Variants in TTC12 observed in about 807,000 individuals in gnomAD.
TTC12 encodes the protein tetratricopeptide repeat domain 12.
Under a neutral mutation model 90.1 loss-of-function variants are expected in TTC12, and 70 were observed. That is an observed-to-expected ratio of 0.78 (90% confidence interval 0.64 to 0.95). TTC12 has a LOEUF of 0.95. TTC12 is among the 40% of genes least tolerant of loss of function. TTC12 has a pLI of 0.00. For synonymous variants in TTC12, 296 were observed against 311.5 expected (o/e 0.95, Z 0.53); for missense variants, 819 against 846.1 (o/e 0.97, Z 0.40).
intron 19 of TTC12, 148 bp from the exon 20 acceptor site, chr11:113,363,679 GC>G (rs1486314262): frequency 1.6e-6 from 1 of 608,684 alleles, no homozygotes. Flanking sequence ...GACCATGCCT[GC>G]CCACCAGGAA....
intron 2 of TTC12, among the ~76,000 whole-genome samples, chr11:113,319,206 C>G (rs1017490081): frequency 6.6e-6 from 1 of 152,046 alleles, no homozygotes; most frequent in African/African-American, 2.4e-5. Context: ...CCAGTCTAAC[C>G]GTGAGAAAAA....
chr11:113,318,483 T>C (rs2137906189), intron 2 of TTC12, among the ~76,000 whole-genome samples: 1 of 152,276 alleles, frequency 6.6e-6, no homozygotes, highest in East Asian at 1.9e-4. Flanking sequence ...CGTGCATATA[T>C]TTGGTGTTTC....
At chr11:113,349,996 T>A in intron 13 of TTC12, 77 bp from the exon 14 acceptor site, 1 of 1,208,766 alleles carries the variant, frequency 8.3e-7, no homozygotes, top group Non-Finnish European at 1.2e-6. Flanking sequence ...CTTTTTTGGT[T>A]TCCTTGCAAG....
chr11:113,328,588 A>C (rs1410356225), intron 6 of TTC12, among the ~76,000 whole-genome samples: 2 of 152,094 alleles, frequency 1.3e-5, no homozygotes, highest in Non-Finnish European at 2.9e-5. Context: ...GGGAGGACAG[A>C]AGCAGAGCTT....
At chr11:113,349,841 A>G (rs1164821701) in intron 13 of TTC12, among the ~76,000 whole-genome samples, 1 of 152,222 alleles carries the variant, frequency 6.6e-6, no homozygotes, top group African/African-American at 2.4e-5. Flanking sequence ...AACTTTGGTT[A>G]AAAGTATTCA....
At chr11:113,326,874 C>A (rs1480109072) in intron 6 of TTC12, among the ~76,000 whole-genome samples, 2 of 152,132 alleles carry the variant, frequency 1.3e-5, no homozygotes, top group Admixed American at 6.5e-5. Context: ...TTCAATAAAT[C>A]CTTTTTTAGT....
chr11:113,323,204 A>G (rs1368943328), intron 2 of TTC12, 84 bp from the exon 3 acceptor site: 2 of 1,100,204 alleles, frequency 1.8e-6, no homozygotes, highest in Non-Finnish European at 2.4e-6. Flanking sequence ...GATCTTTCCC[A>G]TGCATTTTAT....
chr11:113,344,155 T>C (rs906737981), intron 12 of TTC12, 117 bp from the exon 13 acceptor site: 13 of 1,184,430 alleles, frequency 1.1e-5, no homozygotes, highest in Non-Finnish European at 1.6e-5. Context: ...TACACTTCAT[T>C]ATTCTGCCTT....
chr11:113,318,613 G>A (rs908786391), intron 2 of TTC12, among the ~76,000 whole-genome samples: 1 of 152,084 alleles, frequency 6.6e-6, no homozygotes, highest in East Asian at 1.9e-4. Context: ...AATTTTTGGG[G>A]GGGATGCAAT....
At chr11:113,363,114 A>G (rs1318349894) in intron 19 of TTC12, among the ~76,000 whole-genome samples, 1 of 152,208 alleles carries the variant, frequency 6.6e-6, no homozygotes, top group African/African-American at 2.4e-5. Context: ...TAGTGTGGTG[A>G]CACATGGCTT....
intron 13 of TTC12, 74 bp from the exon 14 acceptor site, chr11:113,349,999 C>T: frequency 4.8e-6 from 6 of 1,251,592 alleles, no homozygotes; most frequent in Admixed American, 3.6e-5. Context: ...TTTTGGTTTC[C>T]TTGCAAGGTT....
chr11:113,334,562 G>T (rs1007766018), intron 7 of TTC12, among the ~76,000 whole-genome samples: 7 of 151,878 alleles, frequency 4.6e-5, no homozygotes, highest in African/African-American at 1.7e-4. Flanking sequence ...CACCTAGAGA[G>T]CTTAAAAAAT....
intron 2 of TTC12, among the ~76,000 whole-genome samples, chr11:113,321,305 T>G (rs1166396704): frequency 6.6e-6 from 1 of 152,144 alleles, no homozygotes; most frequent in Non-Finnish European, 1.5e-5. Context: ...GGAGTAAAAA[T>G]TGGTACAGCC....
In TTC12 at chr11:113,344,432, C is replaced by A. The variant is rs1022682471; in HGVS notation, c.1146C>A (p.Asp382Glu). Residue 382 changes from aspartate (D) to glutamate (E), a missense_variant, in exon 13 of 22, where the codon GAC (aspartate) becomes GAA (glutamate). Physicochemically the swap from Asp to Glu is conservative, Grantham distance 45. Coordinates refer to ENST00000529221, the MANE Select transcript of TTC12 (RefSeq NM_017868.4). ...GGAGCCTGATCATCAACCACCTTGACCTGACCAGGTAAGCCTCTGCTGGCA... is the reference window on the plus strand; with the variant it reads ...GGAGCCTGATCATCAACCACCTTGAACTGACCAGGTAAGCCTCTGCTGGCA... ...SGRSLIINHL[D>E]LTRLLEALVS... The A allele has an allele frequency of 6.2e-7, 1 of 1,613,366 alleles. No homozygotes were observed. The highest frequency in any genetic ancestry group is 2.2e-5 in the East Asian group (1 of 44,874).
downstream of TTC12, chr11:113,368,610 A>C: frequency 2.0e-6 from 2 of 1,015,596 alleles, no homozygotes. Context: ...CACTGTCTTC[A>C]TACATGACGT....
chr11:113,327,220 A>G (rs1224254138), intron 6 of TTC12, among the ~76,000 whole-genome samples: 1 of 152,242 alleles, frequency 6.6e-6, no homozygotes, highest in Non-Finnish European at 1.5e-5. Flanking sequence ...AATCACATTA[A>G]GAATGAATGT....
chr11:113,339,805 C>CCA (rs1948584273), intron 10 of TTC12, among the ~76,000 whole-genome samples: 1 of 152,108 alleles, frequency 6.6e-6, no homozygotes, highest in Non-Finnish European at 1.5e-5. Context: ...TACACACACA[C>CCA]CACATACCAC....
intron 14 of TTC12, 60 bp from the exon 15 acceptor site, chr11:113,351,177 CTG>C (rs1949267635): frequency 6.9e-7 from 1 of 1,459,662 alleles, no homozygotes; most frequent in South Asian, 1.1e-5. Context: ...ATCTGAGACA[CTG>C]TATTTATGTT....
intron 20 of TTC12, 89 bp downstream of exon 20, chr11:113,364,016 TAGC>T: frequency 2.4e-6 from 2 of 836,914 alleles, no homozygotes; most frequent in Non-Finnish European, 3.9e-6. Flanking sequence ...AGGAGGAACT[TAGC>T]AGCAATGCTG....
Sources: gnomAD v4.1 joint callset for allele counts (sites outside exome capture counted in the v4.1 genomes callset) on GRCh38, gnomAD v4.1.1 for gene constraint, MANE v1.5 for transcripts, NCBI Gene and HGNC (gene_info 2026-07-23, HGNC 2026-07-21) for gene names.